PRKCB: variants seen among roughly 807,000 people sequenced by gnomAD.
The protein encoded by PRKCB is protein kinase C beta.
A neutral mutation model predicts 81.5 loss-of-function variants in PRKCB; 13 were observed. The ratio of observed to expected loss-of-function variants is 0.16; its 90% CI spans 0.10 to 0.25. The LOEUF is 0.25. PRKCB is among the 10% of genes least tolerant of loss of function. PRKCB has a pLI of 1.00. For missense variants in PRKCB, 509 were observed against 875.7 expected, an observed-to-expected ratio of 0.58 and a Z score of 5.29; for synonymous variants, 335 against 321.4, an observed-to-expected ratio of 1.04 and a Z score of -0.45.
chr16:24,018,962 C>A (rs960450157), intron 3 of PRKCB, among the ~76,000 whole-genome samples: 1 of 151,920 alleles, frequency 6.6e-6, no homozygotes, highest in East Asian at 1.9e-4. Context: ...AAATTTTTGG[C>A]CTTTTGTTTG....
At chr16:24,031,825 G>A (rs567806242) in intron 3 of PRKCB, among the ~76,000 whole-genome samples, 71 of 152,288 alleles carry the variant, frequency 4.7e-4, no homozygotes, top group African/African-American at 1.6e-3. Context: ...CCCATCTCTG[G>A]AGTCCCTACT....
At chr16:24,022,555 G>A (rs537309607) in intron 3 of PRKCB, among the ~76,000 whole-genome samples, 2 of 151,866 alleles carry the variant, frequency 1.3e-5, no homozygotes, top group Non-Finnish European at 2.9e-5. Flanking sequence ...GCAGTGGTGC[G>A]ATCTCAGCTC....
intron 2 of PRKCB, among the ~76,000 whole-genome samples, chr16:23,858,053 T>C (rs1014842218): frequency 3.3e-5 from 5 of 152,090 alleles, no homozygotes; most frequent in African/African-American, 1.2e-4. Flanking sequence ...GTTTTAGGAT[T>C]GTGTAACTTC....
At chr16:24,161,273 G>T (rs1463093528) in intron 10 of PRKCB, among the ~76,000 whole-genome samples, 1 of 151,890 alleles carries the variant, frequency 6.6e-6, no homozygotes, top group Admixed American at 6.6e-5. Flanking sequence ...ATCTTATATT[G>T]GAATAAAAAT....
intron 2 of PRKCB, among the ~76,000 whole-genome samples, chr16:23,905,297 C>A (rs1318772666): frequency 6.6e-6 from 1 of 152,130 alleles, no homozygotes; most frequent in Non-Finnish European, 1.5e-5. Context: ...AATAACAACA[C>A]AAGCAGTGCA....
chr16:23,981,068 T>G (rs1964694549), intron 2 of PRKCB, among the ~76,000 whole-genome samples: 1 of 152,030 alleles, frequency 6.6e-6, no homozygotes, highest in South Asian at 2.1e-4. Flanking sequence ...TGTAACAAAT[T>G]ACCACAAATT....
intron 2 of PRKCB, among the ~76,000 whole-genome samples, chr16:23,917,751 G>A (rs186930691): frequency 6.3e-4 from 96 of 152,286 alleles, no homozygotes; most frequent in African/African-American, 2.2e-3. Flanking sequence ...AGGTTTCATC[G>A]CAGGCCCAGA....
chr16:24,094,853 A>AAGGAAGGGAAGGG (rs771070281), intron 7 of PRKCB, among the ~76,000 whole-genome samples: 3 of 139,600 alleles, frequency 2.1e-5, no homozygotes, highest in African/African-American at 8.0e-5. Context: ...GGAAGGAAGG[A>AAGGAAGGGAAGGG]AAGGAAGAAA....
intron 2 of PRKCB, among the ~76,000 whole-genome samples, chr16:23,941,759 G>A (rs144222541): frequency 3.9e-5 from 6 of 152,288 alleles, no homozygotes; most frequent in African/African-American, 1.4e-4. Context: ...GCATGATGAA[G>A]ACTATATGTG....
intron 2 of PRKCB, among the ~76,000 whole-genome samples, chr16:23,932,367 G>C (rs13330641): frequency 0.031 from 4,696 of 152,290 alleles, 116 homozygotes; most frequent in African/African-American, 0.059. Context: ...ATATGCTGAA[G>C]AATTTATGGG....
At chr16:23,966,496 G>A (rs1156282839) in intron 2 of PRKCB, among the ~76,000 whole-genome samples, 1 of 152,170 alleles carries the variant, frequency 6.6e-6, no homozygotes, top group African/African-American at 2.4e-5. Context: ...CCAATATGTG[G>A]AAAGTATTTA....
chr16:23,973,458 C>T (rs532334557), intron 2 of PRKCB, among the ~76,000 whole-genome samples: 72 of 152,148 alleles, frequency 4.7e-4, no homozygotes, highest in African/African-American at 1.6e-3. Context: ...GCTGGGATTA[C>T]AGGCGTGAGC....
At chr16:23,857,955 G>T (rs1053544607) in intron 2 of PRKCB, among the ~76,000 whole-genome samples, 1 of 152,150 alleles carries the variant, frequency 6.6e-6, no homozygotes, top group Non-Finnish European at 1.5e-5. Context: ...GGCTGCTACT[G>T]TTATTGTTGC....
At chr16:23,850,351 T>TA (rs1224122146) in intron 2 of PRKCB, among the ~76,000 whole-genome samples, 2 of 131,920 alleles carry the variant, frequency 1.5e-5, no homozygotes, top group Middle Eastern at 3.5e-3. Flanking sequence ...TGGGATTACT[T>TA]AAAAAAAATT....
intron 5 of PRKCB, among the ~76,000 whole-genome samples, chr16:24,068,550 T>G (rs542973297): frequency 6.6e-6 from 1 of 152,212 alleles, no homozygotes; most frequent in Admixed American, 6.5e-5. Context: ...TCCAGTTTCT[T>G]GAAAAATATT....
chr16:23,972,880 T>A (rs889682627), intron 2 of PRKCB, among the ~76,000 whole-genome samples: 2 of 152,212 alleles, frequency 1.3e-5, no homozygotes, highest in African/African-American at 4.8e-5. Flanking sequence ...GTTAACAGTC[T>A]GGGAGGGAAA....
chr16:23,971,901 C>T (rs1008918393), intron 2 of PRKCB, among the ~76,000 whole-genome samples: 3 of 151,998 alleles, frequency 2.0e-5, no homozygotes, highest in African/African-American at 7.3e-5. Flanking sequence ...ACAGCAATTC[C>T]ACTCCTAGGT....
intron 2 of PRKCB, among the ~76,000 whole-genome samples, chr16:23,979,504 T>C (rs1003779381): frequency 1.3e-5 from 2 of 152,132 alleles, no homozygotes; most frequent in African/African-American, 4.8e-5. Context: ...TGGACACCAG[T>C]TAAGGCTTTA....
intron 7 of PRKCB, among the ~76,000 whole-genome samples, chr16:24,100,572 A>C (rs1186408056): frequency 6.6e-6 from 1 of 152,056 alleles, no homozygotes; most frequent in Non-Finnish European, 1.5e-5. Flanking sequence ...TGGTGCATGG[A>C]TAGGTCTCTG....
Sources: allele counts gnomAD v4.1 joint callset (sites outside exome capture counted in the v4.1 genomes callset), GRCh38; gene constraint gnomAD v4.1.1; transcripts MANE v1.5; gene names NCBI Gene and HGNC (gene_info 2026-07-23, HGNC 2026-07-21).